The following TFAP2A variants were observed in gnomAD, a reference collection of about 807,000 sequenced individuals.
The protein encoded by TFAP2A is transcription factor AP-2-alpha.
A neutral mutation model predicts 41.5 loss-of-function variants in TFAP2A; 7 were observed. That is an observed-to-expected ratio of 0.17 (90% CI 0.10 to 0.32). The LOEUF is 0.32. Ranked by LOEUF, TFAP2A falls within the 10% of genes least tolerant of loss-of-function variation. The probability of loss-of-function intolerance (pLI) is 1.00; values close to 1 mark genes in which losing one functional copy is unlikely to be tolerated. For missense variants in TFAP2A, 416 were observed against 563.3 expected, an observed-to-expected ratio of 0.74 and a Z score of 2.65; for synonymous variants, 247 against 242.8, an observed-to-expected ratio of 1.02 and a Z score of -0.16.
intron 1 of TFAP2A, chr6:10,414,673 A>G (rs1490746849): frequency 6.7e-6 from 4 of 594,240 alleles, no homozygotes; most frequent in Non-Finnish European, 1.2e-5. Flanking sequence ...CTTTTCCCCC[A>G]TTCTTAGGCA....
At chr6:10,411,910 G>A (rs781730224) in intron 1 of TFAP2A, 12 of 1,247,174 alleles carry the variant, frequency 9.6e-6, no homozygotes, top group Non-Finnish European at 1.2e-5. Flanking sequence ...AAGTATGTGT[G>A]AGTGTGTGGG....
intron 6 of TFAP2A, among the ~76,000 whole-genome samples, chr6:10,399,609 C>T (rs1175837439): frequency 1.3e-5 from 2 of 152,212 alleles, no homozygotes; most frequent in South Asian, 2.1e-4. Context: ...CCTGGGCTGG[C>T]TCCCTTCTCC....
In TFAP2A at chr6:10,409,765, G is replaced by A. The variant is rs1356643515; in HGVS notation, c.486+136C>T. ...TTCCTCAAAACGTCCCTCACTCTCC[G>A]CCTCCGAATAAAATGTTTTTATAAG... On this transcript the variant is annotated intron_variant, in intron 2 of 6. Transcript: ENST00000379613. 5.4e-6 allele frequency: 6 copies of A among 1,106,066 alleles called. No individual in the cohort carries two copies. The East Asian group carries it at 1.3e-4, about 24-fold the overall frequency. 68.5% of individuals were successfully genotyped at this position (1,106,066 alleles called of 1,614,324 possible).
rs778893701 is a variant in TFAP2A at position 10,414,953 on chromosome 6, G to A, written c.39C>T (p.Tyr13=). The A allele has an allele frequency of 4.3e-6, 7 of 1,613,960 alleles. No homozygotes were observed. The South Asian group carries it at 6.6e-5, about 15-fold the overall frequency. Residue 13 remains tyrosine (Y), a synonymous_variant, in exon 1 of 7, where the codon TAC becomes TAT. Transcript: ENST00000379613. ...GCGTCGCGCTTACCTCGCAGTCCTC[G>A]TACTTGATATTATCCGTCAATTTCC... is the stretch of plus-strand genomic sequence containing the variant. The part of the protein sequence containing the change: ...MLWKLTDNIK[Y]EDCEDRHDGT...
intron 6 of TFAP2A, among the ~76,000 whole-genome samples, chr6:10,399,925 T>G (rs1761944613): frequency 8.2e-6 from 1 of 122,272 alleles, no homozygotes; most frequent in Admixed American, 7.9e-5. Context: ...TCTCTCTGTC[T>G]GTGTGTGTGT....
In TFAP2A at chr6:10,404,259, G is replaced by C. The variant is rs559741818; in HGVS notation, c.770+249C>G. 5.4e-4 allele frequency among the ~76,000 whole-genome samples: 83 copies of C among 152,304 alleles called. 2 individuals carry two copies. The South Asian group carries it at 0.017, about 31-fold the overall frequency. ...GAGGACTCCGCGAGCGCGCGGCAGC[G>C]AACGAAGCGCGCACCAGAACTCGCT... is the stretch of plus-strand genomic sequence containing the variant. On this transcript the variant is annotated intron_variant, in intron 4 of 6. Coordinates refer to ENST00000379613, the MANE Select transcript of TFAP2A (RefSeq NM_001372066.1).
rs576370374 is a variant in TFAP2A, at chr6:10,398,267, G to A, written c.*150C>T. 81 of 1,557,154 alleles carry A rather than the reference G, an allele frequency of 5.2e-5. No individual in the cohort carries two copies. In the African/African-American group the frequency reaches 7.5e-4, roughly 14 times the overall value. ...GAGGGCAGTCCCGGAGACTCGGGGG[G>A]ACCCAAGGGCAGCGGCGGCGGCGGC... On this transcript the variant is annotated 3_prime_UTR_variant, in exon 7 of 7. Transcript: ENST00000379613. The surrounding 1 kb of genome is among the most constrained non-coding windows in gnomAD (Gnocchi z 5.3).
In TFAP2A at chr6:10,402,102, G is replaced by A. The variant is rs975574382; in HGVS notation, c.889+390C>T. 15 of 364,904 alleles carry A rather than the reference G, an allele frequency of 4.1e-5. No homozygotes were observed. In the Admixed American group the frequency reaches 5.6e-4, roughly 14 times the overall value. 22.6% of individuals were successfully genotyped at this position (364,904 alleles called of 1,614,324 possible). ...AGGATGGTCTTAAATCAGGACGCAG[G>A]TCAAAGATTCCCAAATTAATTCAGG... is the stretch of plus-strand genomic sequence containing the variant. On this transcript the variant is annotated intron_variant, in intron 5 of 6. Coordinates refer to ENST00000379613, the MANE Select transcript of TFAP2A (RefSeq NM_001372066.1).
intron 5 of TFAP2A, 31 bp from the exon 6 acceptor site, chr6:10,400,620 C>G (rs1185857257): frequency 6.2e-7 from 1 of 1,613,528 alleles, no homozygotes. Flanking sequence ...GGAGCCAGTG[C>G]GAGAGAATGA....
At chr6:10,399,473 C>T (rs983959122) in intron 6 of TFAP2A, among the ~76,000 whole-genome samples, 1 of 152,124 alleles carries the variant, frequency 6.6e-6, no homozygotes, top group African/African-American at 2.4e-5. Context: ...TGAAATTTCG[C>T]AGAGGTAGAT....
chr6:10,413,632 C>T (rs1414345420), intron 1 of TFAP2A, among the ~76,000 whole-genome samples: 2 of 152,206 alleles, frequency 1.3e-5, no homozygotes, highest in African/African-American at 2.4e-5. Flanking sequence ...GCGACAGGAC[C>T]CCCCCAGGGA....
chr6:10,406,948 C>T, intron 2 of TFAP2A, 104 bp from the exon 3 acceptor site: 1 of 910,322 alleles, frequency 1.1e-6, no homozygotes. Flanking sequence ...ATCAAAATTC[C>T]CCCTCCCGTA....
chr6:10,398,262 G>A lies in TFAP2A; in HGVS notation c.*155C>T. ...GTCGAGAGGGCAGTCCCGGAGACTC[G>A]GGGGGACCCAAGGGCAGCGGCGGCG... On this transcript the variant is annotated 3_prime_UTR_variant, in exon 7 of 7. Transcript: ENST00000379613. The surrounding 1 kb of genome is among the most constrained non-coding windows in gnomAD (Gnocchi z 5.3). 1.3e-6 allele frequency: 2 copies of A among 1,546,764 alleles called. No individual in the cohort carries two copies. The highest frequency in any genetic ancestry group is 1.2e-5 in the South Asian group (1 of 82,614).
Position 10,398,369 on chromosome 6 carries a change from G to T in TFAP2A, c.*48C>A. 1 of 1,608,578 alleles carries T rather than the reference G, an allele frequency of 6.2e-7. No individual in the cohort carries two copies. The highest frequency in any genetic ancestry group is 8.5e-7 in the Non-Finnish European group (1 of 1,178,206). ...AGCTGTCACCCGCCGGAGGGTGGGC[G>T]CGCGGGGGGCTGGTGAGGCGTGGGA... On this transcript the variant is annotated 3_prime_UTR_variant, in exon 7 of 7. Coordinates refer to ENST00000379613, the MANE Select transcript of TFAP2A (RefSeq NM_001372066.1). This position sits in a 1 kb window ranked among gnomAD's most constrained non-coding sequence, Gnocchi z 5.3.
At chr6:10,400,304 G>C in intron 6 of TFAP2A, 144 bp downstream of exon 6, 4 of 983,064 alleles carry the variant, frequency 4.1e-6, no homozygotes, top group East Asian at 2.5e-5. Flanking sequence ...CCTTAACATA[G>C]ACTATATATA....
intron 1 of TFAP2A, chr6:10,414,465 GAAT>G: frequency 4.2e-6 from 1 of 240,402 alleles, no homozygotes; most frequent in Non-Finnish European, 8.1e-6. Context: ...GGGGAAGAAA[GAAT>G]GAATGAATGA....
In TFAP2A at chr6:10,397,376, C is replaced by G. The variant is rs1761805589; in HGVS notation, c.*1041G>C. ...TACATAGAAGGGTTATCAAACCACT[C>G]AAGTTTCAAAATCTTTCCAGGGTCC... On this transcript the variant is annotated 3_prime_UTR_variant, in exon 7 of 7. Coordinates refer to ENST00000379613, the MANE Select transcript of TFAP2A (RefSeq NM_001372066.1). The G allele has an allele frequency of 6.6e-6, 1 of 152,034 alleles. No homozygotes were observed. The highest frequency in any genetic ancestry group is 6.5e-5 in the Admixed American group (1 of 15,280). The allele number at this position is 152,034 out of a possible 1,614,324, so 9.4% of individuals were successfully genotyped here.
chr6:10,398,751 G>C lies in TFAP2A; in HGVS notation c.1032-46C>G. On this transcript the variant is annotated intron_variant, in intron 6 of 6. Coordinates refer to ENST00000379613, the MANE Select transcript of TFAP2A (RefSeq NM_001372066.1). The surrounding 1 kb of genome is among the most constrained non-coding windows in gnomAD (Gnocchi z 5.3). ...AGAGAGAGACATAAGGCTCCACTAT[G>C]GGCAGCACTAGCAGCAAAGAGAAAA... 1 of 1,603,914 alleles carries C rather than the reference G, an allele frequency of 6.2e-7. No homozygotes were observed. Among genetic ancestry groups the C allele is most frequent in the Non-Finnish European group, 8.5e-7 (1 of 1,173,270 alleles).
chr6:10,404,415 G>C, intron 4 of TFAP2A, 93 bp downstream of exon 4: 3 of 895,684 alleles, frequency 3.3e-6, no homozygotes, highest in Non-Finnish European at 4.5e-6. Context: ...GCCGCGGCGC[G>C]AGGCCTGTTT....
Sources: allele counts gnomAD v4.1 joint callset (sites outside exome capture counted in the v4.1 genomes callset), GRCh38; gene constraint gnomAD v4.1.1; non-coding constraint Gnocchi (gnomAD v3.1); transcripts MANE v1.5; gene names NCBI Gene and HGNC (gene_info 2026-07-23, HGNC 2026-07-21).